IL10RB: variants seen among roughly 807,000 people sequenced by gnomAD.
IL10RB encodes the protein interleukin 10 receptor subunit beta.
A neutral mutation model predicts 38.7 loss-of-function variants in IL10RB; 30 were observed. The observed-to-expected ratio is 0.78, with a 90% CI of 0.58 to 1.05. The LOEUF (loss-of-function observed/expected upper bound fraction) is 1.05, where lower values mean the gene tolerates loss of function less well. Among genes scored for constraint, IL10RB ranks in the 50% least tolerant of loss-of-function variants. IL10RB has a pLI of 0.00. For synonymous variants in IL10RB, 142 were observed against 145.9 expected (o/e 0.97, Z 0.19); for missense variants, 328 against 397.1 (o/e 0.83, Z 1.48).
intron 1 of IL10RB, chr21:33,268,164 G>C (rs1286339059): frequency 1.5e-6 from 2 of 1,370,162 alleles, no homozygotes; most frequent in Non-Finnish European, 9.6e-7. Flanking sequence ...CAAATCCAAG[G>C]CTCCTTTGTC....
At chr21:33,287,210 G>A (rs1402720916) in intron 5 of IL10RB, among the ~76,000 whole-genome samples, 3 of 152,208 alleles carry the variant, frequency 2.0e-5, no homozygotes, top group South Asian at 2.1e-4. Context: ...TCAAGGCCTC[G>A]CATCAGGGGC....
intron 6 of IL10RB, chr21:33,293,887 C>T: frequency 2.4e-6 from 1 of 423,080 alleles, no homozygotes; most frequent in East Asian, 7.2e-5. Context: ...GAAGCCACAG[C>T]TGCAGCAGGA....
intron 6 of IL10RB, among the ~76,000 whole-genome samples, chr21:33,292,018 T>C (rs1989498303): frequency 6.6e-6 from 1 of 152,090 alleles, no homozygotes; most frequent in Admixed American, 6.6e-5. Flanking sequence ...TGTCATCATG[T>C]CTCCCTGGCT....
chr21:33,282,710 G>A (rs989057405), intron 4 of IL10RB, among the ~76,000 whole-genome samples: 26 of 152,094 alleles, frequency 1.7e-4, no homozygotes, highest in African/African-American at 5.8e-4. Context: ...CACCACGCCC[G>A]GCTAATTTTT....
chr21:33,274,852 C>CATTA (rs1311968913), intron 2 of IL10RB, among the ~76,000 whole-genome samples: 1 of 152,192 alleles, frequency 6.6e-6, no homozygotes, highest in Admixed American at 6.5e-5. Flanking sequence ...TCACCAGCTA[C>CATTA]ATTAGCCCTT....
At chr21:33,305,043 TA>T (rs2082995490) in intron 1 of IL10RB, among the ~76,000 whole-genome samples, 1 of 152,228 alleles carries the variant, frequency 6.6e-6, no homozygotes, top group African/African-American at 2.4e-5. Flanking sequence ...CCTATTCTAC[TA>T]TTCTATGTAG....
chr21:33,308,555 A>G (rs756486684), intron 1 of IL10RB: 1 of 152,254 alleles, frequency 6.6e-6, no homozygotes, highest in Non-Finnish European at 1.5e-5. Context: ...ACCATCACCA[A>G]TAAGAAACTT....
At chr21:33,304,994 T>C (rs1442326611) in intron 1 of IL10RB, among the ~76,000 whole-genome samples, 1 of 152,186 alleles carries the variant, frequency 6.6e-6, no homozygotes, top group Non-Finnish European at 1.5e-5. Context: ...CCACAGTTCC[T>C]TACATAATGA....
chr21:33,283,798 GAAAGA>G (rs553957613), intron 5 of IL10RB, among the ~76,000 whole-genome samples: 75 of 151,964 alleles, frequency 4.9e-4, no homozygotes, highest in African/African-American at 1.7e-3. Flanking sequence ...ACGGGAGAAG[GAAAGA>G]GAGAAGGTTC....
chr21:33,289,622 A>AG (rs1417527489), intron 6 of IL10RB, among the ~76,000 whole-genome samples: 19 of 152,282 alleles, frequency 1.2e-4, no homozygotes, highest in African/African-American at 4.6e-4. Flanking sequence ...GGGGAGTCCC[A>AG]GGAGGTGCCC....
At chr21:33,282,430 G>A (rs8178500) in intron 4 of IL10RB, among the ~76,000 whole-genome samples, 14,050 of 152,184 alleles carry the variant, frequency 0.092, 837 homozygotes, top group East Asian at 0.23. Context: ...CAGCTACTCG[G>A]GAGGCTGAGG....
intron 3 of IL10RB, among the ~76,000 whole-genome samples, 170 bp downstream of exon 3, chr21:33,276,923 G>A (rs568479176): frequency 6.3e-4 from 96 of 152,266 alleles, no homozygotes; most frequent in African/African-American, 2.1e-3. Flanking sequence ...GAATTCATGG[G>A]AGAGACAGAA....
intron 3 of IL10RB, among the ~76,000 whole-genome samples, chr21:33,279,011 G>C (rs1989231594): frequency 6.6e-6 from 1 of 152,148 alleles, no homozygotes; most frequent in South Asian, 2.1e-4. Context: ...CAATGAACGA[G>C]ACAAAATACC....
At chr21:33,303,974 G>A (rs2082992309) in intron 1 of IL10RB, among the ~76,000 whole-genome samples, 1 of 152,220 alleles carries the variant, frequency 6.6e-6, no homozygotes, top group African/African-American at 2.4e-5. Context: ...GAAATGAGTA[G>A]GATGGAGCAG....
chr21:33,280,032 C>G (rs1989252429), intron 4 of IL10RB, 114 bp downstream of exon 4: 1 of 910,848 alleles, frequency 1.1e-6, no homozygotes, highest in Non-Finnish European at 1.8e-6. Context: ...GCTTCCCAGA[C>G]TGAGGGGTTA....
chr21:33,278,376 C>G (rs1385077386), intron 3 of IL10RB, among the ~76,000 whole-genome samples: 5 of 152,160 alleles, frequency 3.3e-5, no homozygotes, highest in African/African-American at 4.8e-5. Flanking sequence ...GTAAAAACGT[C>G]TTACTTTTGG....
chr21:33,289,025 T>C (rs1568910047), intron 6 of IL10RB, among the ~76,000 whole-genome samples: 1 of 152,234 alleles, frequency 6.6e-6, no homozygotes, highest in African/African-American at 2.4e-5. Flanking sequence ...GAGGTTGAGC[T>C]GTCACACAGC....
intron 6 of IL10RB, among the ~76,000 whole-genome samples, chr21:33,290,073 C>T (rs1485408563): frequency 6.6e-6 from 1 of 151,668 alleles, no homozygotes; most frequent in Non-Finnish European, 1.5e-5. Flanking sequence ...AAGATCGCGC[C>T]ACTGCACTCT....
At chr21:33,283,686 C>T (rs1449629907) in intron 5 of IL10RB, among the ~76,000 whole-genome samples, 1 of 152,246 alleles carries the variant, frequency 6.6e-6, no homozygotes, top group Non-Finnish European at 1.5e-5. Context: ...CCACGGTCCT[C>T]AGCCAGTGCT....
Sources: allele counts gnomAD v4.1 joint callset (sites outside exome capture counted in the v4.1 genomes callset), GRCh38; gene constraint gnomAD v4.1.1; transcripts MANE v1.5; gene names NCBI Gene and HGNC (gene_info 2026-07-23, HGNC 2026-07-21).